The following TMEM74 variants were observed in gnomAD, a reference collection of about 807,000 sequenced individuals.
TMEM74 encodes the protein transmembrane protein 74.
In TMEM74, 13 loss-of-function variants were observed where a neutral mutation model predicts 18.1. That is an observed-to-expected ratio of 0.72 (90% CI 0.47 to 1.14). The LOEUF is 1.14. Ranked by LOEUF, TMEM74 falls within the 50% of genes most tolerant of loss-of-function variation. TMEM74 has a pLI of 0.00. For missense variants in TMEM74, 372 were observed against 375.9 expected, an observed-to-expected ratio of 0.99 and a Z score of 0.09; for synonymous variants, 159 against 146.6, an observed-to-expected ratio of 1.08 and a Z score of -0.61.
chr8:108,680,793 A>T (rs1468866016), intron 1 of TMEM74, among the ~76,000 whole-genome samples: 2 of 152,192 alleles, frequency 1.3e-5, no homozygotes, highest in Admixed American at 6.5e-5. Context: ...AAATCTCCTT[A>T]AGCTGATAAG....
At chr8:108,730,602 A>C (rs548123488) in intron 1 of TMEM74, among the ~76,000 whole-genome samples, 1 of 147,912 alleles carries the variant, frequency 6.8e-6, no homozygotes, top group African/African-American at 2.5e-5. Flanking sequence ...ATGTAAAACT[A>C]TACGCTTTAG....
chr8:108,678,620 G>C (rs541659213), intron 1 of TMEM74, among the ~76,000 whole-genome samples: 2 of 149,770 alleles, frequency 1.3e-5, no homozygotes, highest in South Asian at 4.2e-4. Context: ...TGATCCTCCC[G>C]CTTTGCTCCC....
intron 1 of TMEM74, among the ~76,000 whole-genome samples, chr8:108,658,106 G>A (rs1554630334): frequency 6.6e-6 from 1 of 151,318 alleles, no homozygotes; most frequent in Non-Finnish European, 1.5e-5. Flanking sequence ...CCTGGTGGCT[G>A]CTGGCCATAC....
chr8:108,748,573 A>C (rs1407003607), intron 1 of TMEM74, among the ~76,000 whole-genome samples: 2 of 151,542 alleles, frequency 1.3e-5, no homozygotes, highest in East Asian at 3.9e-4. Context: ...TATTTTAATT[A>C]GATCCCATTT....
At chr8:108,756,593 A>G (rs1479643447) in intron 1 of TMEM74, among the ~76,000 whole-genome samples, 219 of 108,598 alleles carry the variant, frequency 2.0e-3, no homozygotes, top group African/African-American at 8.8e-3. Context: ...AGAAAGAAAG[A>G]AAGAGAAAGG....
At chr8:108,742,827 G>T (rs189982414) in intron 1 of TMEM74, among the ~76,000 whole-genome samples, 2 of 152,244 alleles carry the variant, frequency 1.3e-5, no homozygotes, top group South Asian at 4.1e-4. Context: ...AGAGACTTCC[G>T]TGTGAATCAA....
intron 1 of TMEM74, among the ~76,000 whole-genome samples, chr8:108,668,762 A>G (rs1812973869): frequency 6.6e-6 from 1 of 152,172 alleles, no homozygotes; most frequent in African/African-American, 2.4e-5. Context: ...AAAGCAAAAT[A>G]AACATATTTA....
Position 108,784,388 on chromosome 8 carries a change from G to A in TMEM74, c.711C>T (p.Cys237=). Residue 237 remains cysteine (C), a synonymous_variant, in exon 2 of 2, where the codon TGC becomes TGT. Transcript: ENST00000297459. ...GGATGACGCCCCCCAGCGTGAGGAG[G>A]CAGAGCCCCGCAATCACACAGCGGT... is the stretch of plus-strand genomic sequence containing the variant. ...HLDRCVIAGL[C]LLTLGGVILS... The A allele has an allele frequency of 1.2e-6, 2 of 1,614,108 alleles. No individual in the cohort carries two copies. Among genetic ancestry groups the A allele is most frequent in the Non-Finnish European group, 8.5e-7 (1 of 1,180,030 alleles).
chr8:108,771,219 C>T (rs1364889106), intron 1 of TMEM74, among the ~76,000 whole-genome samples: 2 of 151,854 alleles, frequency 1.3e-5, no homozygotes, highest in Non-Finnish European at 2.9e-5. Flanking sequence ...GCTGTGTGAC[C>T]TTGGGGAAAT....
rs547973420 is a variant in TMEM74 at position 108,611,630 on chromosome 8, G to A, written n.265-2804C>T. ...TTTGGTTAAGTGAGGACTTTTATATGTGTTGTTGCCGATTTTTAATTCTTC... is the reference window on the plus strand; with the variant it reads ...TTTGGTTAAGTGAGGACTTTTATATATGTTGTTGCCGATTTTTAATTCTTC... On this transcript the variant is annotated intron_variant and non_coding_transcript_variant, in intron 2 of 3. Coordinates refer to the TMEM74 transcript ENST00000518838. Among the ~76,000 whole-genome samples, 5 of 152,252 alleles carry A rather than the reference G, an allele frequency of 3.3e-5. No individual in the cohort carries two copies. The East Asian group carries it at 9.6e-4, about 29-fold the overall frequency.
chr8:108,630,064 A>G (rs1197368445), intron 2 of TMEM74, among the ~76,000 whole-genome samples: 1 of 152,098 alleles, frequency 6.6e-6, no homozygotes, highest in Non-Finnish European at 1.5e-5. Context: ...ATCAAGACCC[A>G]TCAATGTGCT....
chr8:108,657,842 C>CAAA (rs1157229913), intron 1 of TMEM74, among the ~76,000 whole-genome samples: 11 of 16,678 alleles, frequency 6.6e-4, no homozygotes, highest in African/African-American at 2.1e-3. Flanking sequence ...GACACCGTCT[C>CAAA]AAAAAAAAAA....
intron 2 of TMEM74, among the ~76,000 whole-genome samples, chr8:108,625,243 A>G (rs983849203): frequency 2.6e-5 from 4 of 152,084 alleles, no homozygotes; most frequent in Admixed American, 2.6e-4. Flanking sequence ...AACACAAACC[A>G]CACATGTGAA....
intron 2 of TMEM74, among the ~76,000 whole-genome samples, chr8:108,612,470 A>G (rs1371887142): frequency 6.6e-6 from 1 of 152,244 alleles, no homozygotes; most frequent in Non-Finnish European, 1.5e-5. Context: ...GTTGCTTGCC[A>G]ATTGCATGTA....
At chr8:108,695,944 CTG>C in intron 1 of TMEM74, among the ~76,000 whole-genome samples, 1 of 152,174 alleles carries the variant, frequency 6.6e-6, no homozygotes, top group Admixed American at 6.5e-5. Context: ...TGCCTGTGCT[CTG>C]CCCTCTGCTG....
chr8:108,764,301 C>T lies in TMEM74; in HGVS notation n.119+23175G>A, dbSNP rs142674840. Among the ~76,000 whole-genome samples the T allele has an allele frequency of 2.8e-3, 427 of 152,260 alleles. 2 individuals are homozygous for T. The highest frequency in any genetic ancestry group is 9.9e-3 in the African/African-American group (410 of 41,558). ...TTTGATAGAATTTCAACAGGCTGGACATGTTCTATAGTCAGGACTAAACAA... is the reference window on the plus strand; with the variant it reads ...TTTGATAGAATTTCAACAGGCTGGATATGTTCTATAGTCAGGACTAAACAA... On this transcript the variant is annotated intron_variant and non_coding_transcript_variant, in intron 1 of 3. Transcript: ENST00000518838.
intron 1 of TMEM74, among the ~76,000 whole-genome samples, chr8:108,765,561 C>T (rs1386885588): frequency 6.6e-6 from 1 of 151,876 alleles, no homozygotes; most frequent in Non-Finnish European, 1.5e-5. Flanking sequence ...GCACGTGGTA[C>T]CACACCCGGC....
rs866032312 is a variant in TMEM74, at chr8:108,756,599, A to G, written n.119+30877T>C. Among the ~76,000 whole-genome samples the G allele has an allele frequency of 5.3e-3, 274 of 51,442 alleles. 1 individual carries two copies. The highest frequency in any genetic ancestry group is 0.01 in the Middle Eastern group (1 of 96). The allele number at this position is 51,442 out of a possible 152,430, so 33.7% of individuals were successfully genotyped here. On this transcript the variant is annotated intron_variant and non_coding_transcript_variant, in intron 1 of 3. Coordinates refer to the TMEM74 transcript ENST00000518838. ...AAGAAAGAAAGAAAGAAAGAAAGAGAAAGGAAGGAAGGAAGGAAGGAAGGA... is the reference window on the plus strand; with the variant it reads ...AAGAAAGAAAGAAAGAAAGAAAGAGGAAGGAAGGAAGGAAGGAAGGAAGGA...
Position 108,696,128 on chromosome 8 carries a change from G to A in TMEM74, n.120-40691C>T, listed in dbSNP as rs530286723. On this transcript the variant is annotated intron_variant and non_coding_transcript_variant, in intron 1 of 3. Transcript: ENST00000518838. ...ACAGTATCACAAAAAGTCTTCATAT[G>A]TAACTTATATAGCCAAGGATGTAGA... 5.3e-5 allele frequency among the ~76,000 whole-genome samples: 8 copies of A among 152,268 alleles called. No individual in the cohort carries two copies. The South Asian group carries it at 1.5e-3, about 28-fold the overall frequency.
Sources: gnomAD v4.1 joint callset for allele counts (sites outside exome capture counted in the v4.1 genomes callset) on GRCh38, gnomAD v4.1.1 for gene constraint, MANE v1.5 for transcripts, NCBI Gene and HGNC (gene_info 2026-07-23, HGNC 2026-07-21) for gene names.